Variants in ADCY3 observed in about 807,000 individuals in gnomAD.
ADCY3 encodes the protein adenylate cyclase type 3.
In ADCY3, 70 loss-of-function variants were observed where a neutral mutation model predicts 119.4. The observed-to-expected ratio is 0.59, with a 90% CI of 0.48 to 0.72. ADCY3 has a LOEUF of 0.72. ADCY3 is among the 30% of genes least tolerant of loss of function. ADCY3 has a pLI of 0.00. For synonymous variants in ADCY3, 672 were observed against 621.4 expected (o/e 1.08, Z -1.21); for missense variants, 1,238 against 1,541.6 (o/e 0.80, Z 3.30).
chr2:24,829,198 G>A (rs558973451), intron 13 of ADCY3, among the ~76,000 whole-genome samples: 59 of 151,608 alleles, frequency 3.9e-4, no homozygotes, highest in South Asian at 2.1e-3. Flanking sequence ...TGTATTTTTA[G>A]TAGAGACGGG....
chr2:24,881,688 A>G (rs1350292583), intron 2 of ADCY3, among the ~76,000 whole-genome samples: 2 of 152,260 alleles, frequency 1.3e-5, no homozygotes, highest in Non-Finnish European at 2.9e-5. Flanking sequence ...GGTAAAAAGA[A>G]GCTGAAAGAA....
chr2:24,908,103 C>G (rs1663116397), intron 2 of ADCY3, among the ~76,000 whole-genome samples: 1 of 152,156 alleles, frequency 6.6e-6, no homozygotes, highest in Admixed American at 6.5e-5. Flanking sequence ...GGGCAGATCA[C>G]CTGAGGTCAG....
chr2:24,827,295 T>C (rs1258920170), intron 15 of ADCY3, among the ~76,000 whole-genome samples: 1 of 152,128 alleles, frequency 6.6e-6, no homozygotes, highest in Non-Finnish European at 1.5e-5. Flanking sequence ...TCTTCCTCCC[T>C]CCTCATTTTC....
Position 24,820,119 on chromosome 2 carries a change from A to G in ADCY3, c.3253-5T>C. On this transcript the variant is annotated splice_region_variant and splice_polypyrimidine_tract_variant and intron_variant, in intron 21 of 21. Transcript: ENST00000679454. ...GACTTGGGTTTCTTCTACCACCTGG[A>G]GAGGGAGGGGGAGCAAGAACGTGGC... is the stretch of plus-strand genomic sequence containing the variant. 2 of 1,362,566 alleles carry G rather than the reference A, an allele frequency of 1.5e-6. No homozygotes were observed. Among genetic ancestry groups the G allele is most frequent in the South Asian group, 1.3e-5 (1 of 74,640 alleles). The allele number at this position is 1,362,566 out of a possible 1,614,324, so 84.4% of individuals were successfully genotyped here.
At chr2:24,877,038 C>T (rs1202725154) in intron 2 of ADCY3, among the ~76,000 whole-genome samples, 2 of 152,210 alleles carry the variant, frequency 1.3e-5, no homozygotes, top group Non-Finnish European at 2.9e-5. Flanking sequence ...AGGCTCCTGT[C>T]CACCTGGGAG....
In ADCY3 at chr2:24,821,522, C is replaced by A; in HGVS notation, c.3122G>T (p.Arg1041Leu). Residue 1041 changes from arginine to leucine, a missense_variant, in exon 20 of 22, where the codon CGC becomes CTC. Physicochemically the swap from Arg to Leu is moderately radical, Grantham distance 102. This residue lies in a region of ADCY3 where 43 missense variants were observed against 77.0 expected (regional missense o/e 0.56). Transcript: ENST00000679454. ...GGCCAGCTGGGGGTGCTCACCTATG[C>A]GCAGCATGAAGTTATTGAAGGACTG... is the stretch of plus-strand genomic sequence containing the variant. ...NNQSFNNFML[R>L]IGMNKGGVLA... The A allele has an allele frequency of 1.2e-6, 2 of 1,613,986 alleles. No homozygotes were observed. The highest frequency in any genetic ancestry group is 1.7e-6 in the Non-Finnish European group (2 of 1,179,938).
chr2:24,842,900 C>T lies in ADCY3; in HGVS notation c.826-516G>A, dbSNP rs1468579180. Among the ~76,000 whole-genome samples, 1 of 152,206 alleles carries T rather than the reference C, an allele frequency of 6.6e-6. No homozygotes were observed. Among genetic ancestry groups the T allele is most frequent in the Non-Finnish European group, 1.5e-5 (1 of 68,044 alleles). ...GAGAGCGGAGGGTCTCACGGGGACA[C>T]AGGTAACCATGCCCAGCACAGCGCA... On this transcript the variant is annotated intron_variant, in intron 3 of 21. Coordinates refer to ENST00000679454, the MANE Select transcript of ADCY3 (RefSeq NM_004036.5). This position sits in a 1 kb window ranked among gnomAD's most constrained non-coding sequence, Gnocchi z 4.9.
intron 3 of ADCY3, among the ~76,000 whole-genome samples, chr2:24,849,177 T>C (rs1672006804): frequency 6.6e-6 from 1 of 152,162 alleles, no homozygotes; most frequent in Non-Finnish European, 1.5e-5. Context: ...TGGGTCTACC[T>C]CAGAGTTCTG....
intron 2 of ADCY3, among the ~76,000 whole-genome samples, chr2:24,909,744 G>A (rs184085868): frequency 6.6e-6 from 1 of 152,118 alleles, no homozygotes; most frequent in South Asian, 2.1e-4. Flanking sequence ...GCTTTAATTA[G>A]TTCCGTCTCC....
chr2:24,876,386 T>A (rs1388111902), intron 2 of ADCY3, among the ~76,000 whole-genome samples: 1 of 152,186 alleles, frequency 6.6e-6, no homozygotes, highest in Non-Finnish European at 1.5e-5. Context: ...GAAACAATAC[T>A]TGCAGATTTT....
intron 21 of ADCY3, 133 bp downstream of exon 21, chr2:24,820,591 C>T (rs1383306250): frequency 4.0e-6 from 6 of 1,481,768 alleles, no homozygotes; most frequent in Non-Finnish European, 4.5e-6. Context: ...TTCTTTTCCA[C>T]TTGCCCCACG....
chr2:24,826,191 C>T (rs1001308041), intron 15 of ADCY3, 65 bp from the exon 16 acceptor site: 7 of 1,436,586 alleles, frequency 4.9e-6, no homozygotes, highest in East Asian at 4.6e-5. Context: ...GCCTGATTCC[C>T]TCCAACTAGA....
rs578075588 is a variant in ADCY3, at chr2:24,844,910, T to C, written c.826-2526A>G. On this transcript the variant is annotated intron_variant, in intron 3 of 21. Coordinates refer to ENST00000679454, the MANE Select transcript of ADCY3 (RefSeq NM_004036.5). ...GTGGGAGGGACCCAGAGGGAGGTAA[T>C]TGAATCACAGTGGCCGGTCTTTTCT... Among the ~76,000 whole-genome samples the C allele has an allele frequency of 2.1e-3, 326 of 152,320 alleles. 1 individual carries two copies. The highest frequency in any genetic ancestry group is 2.1e-3 in the Non-Finnish European group (140 of 68,040).
Position 24,919,225 on chromosome 2 carries a change from T to A in ADCY3, c.-197-41A>T. 9.4e-6 allele frequency: 5 copies of A among 530,408 alleles called. No homozygotes were observed. In the South Asian group the frequency reaches 1.1e-4, roughly 12 times the overall value. The allele number at this position is 530,408 out of a possible 1,614,324, so 32.9% of individuals were successfully genotyped here. A position where few individuals can be genotyped will look rare whatever the true frequency, so the allele number is the denominator to read the frequency against. On this transcript the variant is annotated intron_variant, in intron 1 of 21. Coordinates refer to ENST00000679454, the MANE Select transcript of ADCY3 (RefSeq NM_004036.5). This position sits in a 1 kb window ranked among gnomAD's most constrained non-coding sequence, Gnocchi z 5.5. Reference sequence around the variant, plus strand: ...CTGAGTAGAAGCACCTCTTCCCTCCTACCTTGCGGTTTCCCCATGACCCGC... The same window carrying A: ...CTGAGTAGAAGCACCTCTTCCCTCCAACCTTGCGGTTTCCCCATGACCCGC...
chr2:24,879,452 C>CA (rs34029858), intron 2 of ADCY3, among the ~76,000 whole-genome samples: 3,094 of 65,378 alleles, frequency 0.047, 219 homozygotes, highest in African/African-American at 0.13. Context: ...GACTCTGTCT[C>CA]AAAAAAAAAA....
intron 2 of ADCY3, among the ~76,000 whole-genome samples, chr2:24,891,588 T>A (rs1030952216): frequency 6.6e-6 from 1 of 152,056 alleles, no homozygotes; most frequent in East Asian, 1.9e-4. Context: ...AAAGAAAAAA[T>A]TTCTCAACCA....
chr2:24,824,686 CG>C (rs1373807901), intron 16 of ADCY3, 150 bp from the exon 17 acceptor site: 5 of 727,290 alleles, frequency 6.9e-6, no homozygotes, highest in Non-Finnish European at 1.1e-5. Context: ...GTCAGGAGTT[CG>C]AGACCAGCCT....
chr2:24,875,362 C>A (rs1286778847), intron 2 of ADCY3, among the ~76,000 whole-genome samples: 1 of 152,256 alleles, frequency 6.6e-6, no homozygotes, highest in East Asian at 1.9e-4. Context: ...CCCACCCCAC[C>A]CCCCGTGGGT....
intron 2 of ADCY3, among the ~76,000 whole-genome samples, chr2:24,900,844 C>T (rs1486922239): frequency 6.6e-6 from 1 of 152,152 alleles, no homozygotes; most frequent in Non-Finnish European, 1.5e-5. Context: ...ACGGGTGGAT[C>T]ACCTGAGGTC....
Sources: gnomAD v4.1 joint callset for allele counts (sites outside exome capture counted in the v4.1 genomes callset) on GRCh38, gnomAD v4.1.1 for gene constraint, gnomAD v4.1.1 regional missense constraint, Gnocchi (gnomAD v3.1) non-coding constraint, MANE v1.5 for transcripts, NCBI Gene and HGNC (gene_info 2026-07-23, HGNC 2026-07-21) for gene names.